The following LOC400499 variants were observed in gnomAD, a reference collection of about 807,000 sequenced individuals.
At chr16:11,421,723 A>G in the LOC400499 span, among the ~76,000 whole-genome samples, 2 of 152,156 alleles carry the variant, frequency 1.3e-5, no homozygotes, top group African/African-American at 4.8e-5. Context: ...TCCAGAATAG[A>G]CAAACGCATA....
the LOC400499 span, chr16:11,500,665 G>C: frequency 2.5e-6 from 1 of 396,624 alleles, no homozygotes; most frequent in African/African-American, 2.1e-5. Flanking sequence ...CAGAAGCCCA[G>C]GAGGATGGGT....
the LOC400499 span, among the ~76,000 whole-genome samples, chr16:11,420,476 G>C: frequency 6.7e-6 from 1 of 149,844 alleles, no homozygotes; most frequent in East Asian, 2.0e-4. Flanking sequence ...GATAGCATTA[G>C]GAGATATACC....
the LOC400499 span, chr16:11,390,458 G>A: frequency 8.0e-7 from 1 of 1,243,138 alleles, no homozygotes; most frequent in Non-Finnish European, 1.0e-6. Context: ...AGTGTGGCCA[G>A]GGGCCCTGCA....
chr16:11,423,205 C>T, the LOC400499 span: 3 of 399,394 alleles, frequency 7.5e-6, no homozygotes, highest in Non-Finnish European at 1.3e-5. Flanking sequence ...GCGATGTCCC[C>T]TCGGCACCAT....
the LOC400499 span, chr16:11,435,572 T>C: frequency 2.5e-6 from 1 of 398,568 alleles, no homozygotes; most frequent in Non-Finnish European, 4.4e-6. Flanking sequence ...AAGAGGGGCC[T>C]CTGAGTGAGG....
chr16:11,443,216 C>T, the LOC400499 span, among the ~76,000 whole-genome samples: 3 of 149,988 alleles, frequency 2.0e-5, no homozygotes, highest in Admixed American at 6.7e-5. Context: ...CCCAGCTACT[C>T]GGGAGGCTGA....
the LOC400499 span, among the ~76,000 whole-genome samples, chr16:11,463,434 A>ATGTGTGTGTATACAGGGG: frequency 6.0e-3 from 850 of 142,172 alleles, 7 homozygotes; most frequent in African/African-American, 0.02. Flanking sequence ...CTGTACATGG[A>ATGTGTGTGTATACAGGGG]TGTGTGTGTA....
At chr16:11,457,190 A>G in the LOC400499 span, 7 of 668,756 alleles carry the variant, frequency 1.0e-5, no homozygotes, top group Non-Finnish European at 1.5e-5. Context: ...AAAAAACAAA[A>G]AACAAGGAGC....
the LOC400499 span, chr16:11,372,604 G>T: frequency 2.8e-6 from 1 of 355,726 alleles, no homozygotes; most frequent in East Asian, 1.6e-4. Flanking sequence ...GTGCGGTTCT[G>T]AGTTTCCCGG....
the LOC400499 span, among the ~76,000 whole-genome samples, chr16:11,451,977 A>G: frequency 5.8e-4 from 88 of 152,286 alleles, no homozygotes; most frequent in African/African-American, 2.0e-3. Context: ...CTGGAGAGCC[A>G]GGTCCCCACC....
chr16:11,399,128 A>G, the LOC400499 span: 1 of 754,080 alleles, frequency 1.3e-6, no homozygotes, highest in Non-Finnish European at 1.6e-6. Flanking sequence ...TCAGGTAATG[A>G]TGCTGGAGGA....
the LOC400499 span, among the ~76,000 whole-genome samples, chr16:11,525,505 G>T: frequency 6.6e-6 from 1 of 152,090 alleles, no homozygotes; most frequent in Non-Finnish European, 1.5e-5. Context: ...ACATTTCAAA[G>T]ACATTCAACC....
chr16:11,393,012 G>A, the LOC400499 span, among the ~76,000 whole-genome samples: 3 of 152,196 alleles, frequency 2.0e-5, no homozygotes, highest in South Asian at 6.2e-4. Flanking sequence ...CCGCTACTGT[G>A]CCCGGCTACT....
chr16:11,428,328 C>G, the LOC400499 span, among the ~76,000 whole-genome samples: 2 of 152,124 alleles, frequency 1.3e-5, no homozygotes, highest in East Asian at 3.8e-4. Flanking sequence ...TGTGCCACCA[C>G]GCCTGGCTAA....
chr16:11,453,221 T>G, the LOC400499 span, among the ~76,000 whole-genome samples: 1 of 152,196 alleles, frequency 6.6e-6, no homozygotes, highest in Non-Finnish European at 1.5e-5. Flanking sequence ...ATAGATTTTT[T>G]TAAATCTGTG....
the LOC400499 span, among the ~76,000 whole-genome samples, chr16:11,488,120 A>AG: frequency 6.6e-6 from 1 of 151,306 alleles, no homozygotes; most frequent in South Asian, 2.1e-4. Flanking sequence ...CCATGTCAAA[A>AG]AAAAAAAAAA....
chr16:11,383,540 AATT>A, the LOC400499 span: 1 of 1,169,880 alleles, frequency 8.5e-7, no homozygotes, highest in Non-Finnish European at 1.1e-6. Flanking sequence ...CTTGAATGAC[AATT>A]ATTTGTCCTC....
At chr16:11,426,763 T>TA in the LOC400499 span, among the ~76,000 whole-genome samples, 26 of 145,256 alleles carry the variant, frequency 1.8e-4, no homozygotes, top group South Asian at 2.2e-4. Context: ...ACCCCACCTC[T>TA]AAAAAAAAAA....
chr16:11,416,719 T>C, the LOC400499 span, among the ~76,000 whole-genome samples: 13 of 152,034 alleles, frequency 8.6e-5, no homozygotes, highest in East Asian at 1.2e-3. Flanking sequence ...TGAGATGCCA[T>C]TGGAAAAATA....
Sources: allele counts gnomAD v4.1 joint callset (sites outside exome capture counted in the v4.1 genomes callset), GRCh38; gene constraint gnomAD v4.1.1; transcripts MANE v1.5.